Variants in MCPH1 observed in about 807,000 individuals in gnomAD.
The protein encoded by MCPH1 is microcephalin.
A neutral mutation model predicts 84.5 loss-of-function variants in MCPH1; 104 were observed. The ratio of observed to expected loss-of-function variants is 1.23; its 90% CI spans 1.05 to 1.45. The LOEUF (loss-of-function observed/expected upper bound fraction) is 1.45. Ranked by LOEUF, MCPH1 falls within the 40% of genes most tolerant of loss-of-function variation. The pLI, the probability that MCPH1 is intolerant of heterozygous loss-of-function variation, is 0.00. For missense variants in MCPH1, 1,498 were observed against 1,005.7 expected (o/e 1.49, Z -6.62); for synonymous variants, 514 against 366.8 (o/e 1.40, Z -4.58).
chr8:6,496,873 C>T (rs1811292508), intron 11 of MCPH1, among the ~76,000 whole-genome samples: 1 of 152,106 alleles, frequency 6.6e-6, no homozygotes, highest in Non-Finnish European at 1.5e-5. Flanking sequence ...TACAGATTGC[C>T]TTCCCCACCC....
At chr8:6,431,371 T>C in intron 3 of MCPH1, 128 bp from the exon 4 acceptor site, 1 of 713,666 alleles carries the variant, frequency 1.4e-6, no homozygotes, top group East Asian at 2.6e-5. Context: ...TGTATTTATT[T>C]TTTAAAAGTC....
chr8:6,636,388 C>T (rs1797558477), intron 13 of MCPH1, among the ~76,000 whole-genome samples: 1 of 151,782 alleles, frequency 6.6e-6, no homozygotes, highest in African/African-American at 2.4e-5. Flanking sequence ...GCCACACAAC[C>T]ACTGATTGTC....
intron 9 of MCPH1, among the ~76,000 whole-genome samples, chr8:6,471,528 G>C (rs1269868469): frequency 6.6e-6 from 1 of 152,182 alleles, no homozygotes; most frequent in Non-Finnish European, 1.5e-5. Context: ...CAGGCAGAGG[G>C]AGAAGAGAAA....
chr8:6,607,541 A>G (rs946901415), intron 12 of MCPH1, among the ~76,000 whole-genome samples: 2 of 152,180 alleles, frequency 1.3e-5, no homozygotes. Flanking sequence ...TTCCTTCCCT[A>G]CTGATATGGT....
At chr8:6,486,108 T>G (rs1809874919) in intron 11 of MCPH1, among the ~76,000 whole-genome samples, 1 of 152,158 alleles carries the variant, frequency 6.6e-6, no homozygotes, top group Admixed American at 6.5e-5. Context: ...ACAAAGCCAT[T>G]CTACATAATT....
intron 12 of MCPH1, among the ~76,000 whole-genome samples, chr8:6,620,394 A>G (rs904951455): frequency 6.6e-6 from 1 of 152,044 alleles, no homozygotes; most frequent in Non-Finnish European, 1.5e-5. Context: ...TGTTTCTCTG[A>G]TTTTGTGAGT....
intron 11 of MCPH1, among the ~76,000 whole-genome samples, chr8:6,493,476 C>G (rs868452717): frequency 5.3e-5 from 8 of 152,224 alleles, no homozygotes; most frequent in Non-Finnish European, 1.0e-4. Context: ...GGGTTCTTAA[C>G]TATATACTTT....
At chr8:6,459,821 G>A (rs1304978811) in intron 9 of MCPH1, among the ~76,000 whole-genome samples, 1 of 152,218 alleles carries the variant, frequency 6.6e-6, no homozygotes, top group Non-Finnish European at 1.5e-5. Context: ...AGAGCTGTCA[G>A]TCGTGAGTTC....
rs763630479 is a variant in MCPH1, at chr8:6,455,238, G to C, written c.1921G>C (p.Gly641Arg). The C allele has an allele frequency of 2.0e-5, 33 of 1,612,228 alleles. No individual in the cohort carries two copies. Among genetic ancestry groups the C allele is most frequent in the Non-Finnish European group, 2.5e-5 (30 of 1,178,460 alleles). The stretch of plus-strand genomic sequence containing the variant: ...ACCTCATGAGGAATTGAAGAAAAGT[G>C]GGAGAGGCAAAAAGGTCAGTGTGTA... ...IKPHEELKKSGRGKKPTRTLV... is the reference protein window; with the variant it reads ...IKPHEELKKSRRGKKPTRTLV... Residue 641 changes from glycine to arginine, a missense_variant, in exon 9 of 14, where the codon GGG (glycine) becomes CGG (arginine). Gly to Arg is a moderately radical substitution (Grantham distance 125, BLOSUM62 -2). Transcript: ENST00000344683.
intron 9 of MCPH1, among the ~76,000 whole-genome samples, chr8:6,466,911 C>G (rs1375353847): frequency 3.3e-5 from 5 of 152,166 alleles, no homozygotes; most frequent in Admixed American, 2.6e-4. Flanking sequence ...TTCCTTACGT[C>G]TTTAACTCTT....
intron 13 of MCPH1, 44 bp from the exon 14 acceptor site, chr8:6,642,950 G>C: frequency 3.8e-6 from 6 of 1,565,740 alleles, no homozygotes; most frequent in Non-Finnish European, 5.3e-6. Context: ...TTCCTATGTG[G>C]CTGGCTATTA....
chr8:6,476,164 C>A (rs571592014), intron 9 of MCPH1, among the ~76,000 whole-genome samples: 2 of 152,076 alleles, frequency 1.3e-5, no homozygotes, highest in Admixed American at 6.5e-5. Flanking sequence ...CGCGGTGGCT[C>A]ACCTCTGTAA....
chr8:6,466,283 C>G (rs139030445), intron 9 of MCPH1, among the ~76,000 whole-genome samples: 138 of 151,600 alleles, frequency 9.1e-4, no homozygotes, highest in Admixed American at 1.7e-3. Context: ...ACTAGAGGCA[C>G]GTTCCATCAC....
intron 12 of MCPH1, among the ~76,000 whole-genome samples, chr8:6,519,154 GC>G (rs1158815304): frequency 6.6e-6 from 1 of 152,186 alleles, no homozygotes; most frequent in Non-Finnish European, 1.5e-5. Flanking sequence ...CTTCCAGACT[GC>G]GTTAGATGAG....
intron 2 of MCPH1, among the ~76,000 whole-genome samples, chr8:6,414,238 C>T (rs1184570514): frequency 6.6e-6 from 1 of 152,160 alleles, no homozygotes; most frequent in Admixed American, 6.5e-5. Context: ...AAACTGCTGA[C>T]CTCAGGTGAT....
intron 12 of MCPH1, among the ~76,000 whole-genome samples, chr8:6,592,623 GTTTTTTT>G (rs573651366): frequency 6.4e-5 from 5 of 77,558 alleles, no homozygotes; most frequent in African/African-American, 2.1e-4. Context: ...TCTTTTTTTT[GTTTTTTT>G]TTTTTTTTTT....
At chr8:6,571,040 G>C (rs1316241695) in intron 12 of MCPH1, among the ~76,000 whole-genome samples, 1 of 151,806 alleles carries the variant, frequency 6.6e-6, no homozygotes, top group Non-Finnish European at 1.5e-5. Context: ...TTTAGAAATA[G>C]TTTATATAAC....
chr8:6,410,210 G>A (rs997315502), intron 2 of MCPH1, among the ~76,000 whole-genome samples: 36 of 151,642 alleles, frequency 2.4e-4, no homozygotes, highest in Non-Finnish European at 2.4e-4. Flanking sequence ...TCCTGATCTC[G>A]TGATCCGCCC....
intron 12 of MCPH1, among the ~76,000 whole-genome samples, chr8:6,554,776 T>C (rs1449756843): frequency 6.6e-6 from 1 of 151,950 alleles, no homozygotes; most frequent in Non-Finnish European, 1.5e-5. Flanking sequence ...AGTCCACAGG[T>C]TTCAATCAGG....
Sources: allele counts gnomAD v4.1 joint callset (sites outside exome capture counted in the v4.1 genomes callset), GRCh38; gene constraint gnomAD v4.1.1; transcripts MANE v1.5; gene names NCBI Gene and HGNC (gene_info 2026-07-23, HGNC 2026-07-21).